The following IMMP2L variants were observed in gnomAD, a reference collection of about 807,000 sequenced individuals.
IMMP2L encodes the protein inner mitochondrial membrane peptidase subunit 2, also known as mitochondrial inner membrane protease subunit 2.
IMMP2L carries 18 observed loss-of-function variants against 19.3 expected under a neutral mutation model. That is an observed-to-expected ratio of 0.93 (90% CI 0.64 to 1.38). The LOEUF (loss-of-function observed/expected upper bound fraction) is 1.38, where lower values mean the gene tolerates loss of function less well. Ranked by LOEUF, IMMP2L falls within the 40% of genes most tolerant of loss-of-function variation. The pLI, the probability that IMMP2L is intolerant of heterozygous loss-of-function variation, is 0.00. For missense variants in IMMP2L, 233 were observed against 218.2 expected, an observed-to-expected ratio of 1.07 and a Z score of -0.43; for synonymous variants, 76 against 73.0, an observed-to-expected ratio of 1.04 and a Z score of -0.21.
At chr7:111,015,305 A>G (rs1386467543) in intron 3 of IMMP2L, among the ~76,000 whole-genome samples, 1 of 152,170 alleles carries the variant, frequency 6.6e-6, no homozygotes, top group Non-Finnish European at 1.5e-5. Context: ...GTCAGTCACA[A>G]GAAGACAAAT....
chr7:111,375,383 G>A (rs1830596607), intron 3 of IMMP2L, among the ~76,000 whole-genome samples: 10 of 152,002 alleles, frequency 6.6e-5, no homozygotes, highest in Admixed American at 6.6e-4. Flanking sequence ...GTACTCAACT[G>A]GCTCGTTCAT....
chr7:111,404,777 G>C (rs778646538), intron 3 of IMMP2L, among the ~76,000 whole-genome samples: 1 of 151,908 alleles, frequency 6.6e-6, no homozygotes, highest in Non-Finnish European at 1.5e-5. Context: ...GATGTCAATT[G>C]GTATTTCTTA....
chr7:110,898,644 C>A (rs1811559734), intron 4 of IMMP2L, among the ~76,000 whole-genome samples: 1 of 152,052 alleles, frequency 6.6e-6, no homozygotes, highest in African/African-American at 2.4e-5. Flanking sequence ...TATCTACTTC[C>A]CTGGAGATTG....
intron 5 of IMMP2L, among the ~76,000 whole-genome samples, chr7:110,690,464 G>C (rs1196860123): frequency 1.3e-5 from 2 of 152,034 alleles, no homozygotes; most frequent in Non-Finnish European, 2.9e-5. Flanking sequence ...AGAGCAATCA[G>C]GCAAGAGAAA....
intron 3 of IMMP2L, among the ~76,000 whole-genome samples, chr7:111,257,188 T>G (rs1471178519): frequency 6.6e-6 from 1 of 152,008 alleles, no homozygotes; most frequent in Non-Finnish European, 1.5e-5. Flanking sequence ...TCATAATAAT[T>G]CCAACTGACA....
At chr7:110,668,648 T>A (rs909182812) in intron 5 of IMMP2L, among the ~76,000 whole-genome samples, 3 of 152,200 alleles carry the variant, frequency 2.0e-5, no homozygotes, top group Non-Finnish European at 4.4e-5. Flanking sequence ...ATTTTAAACA[T>A]TTATTAAGGC....
At chr7:111,319,216 C>T (rs1824422225) in intron 3 of IMMP2L, among the ~76,000 whole-genome samples, 1 of 152,126 alleles carries the variant, frequency 6.6e-6, no homozygotes, top group South Asian at 2.1e-4. Flanking sequence ...TTTTCACCCT[C>T]ACATCATCCA....
At chr7:111,495,149 T>C (rs993444871) in intron 2 of IMMP2L, among the ~76,000 whole-genome samples, 1 of 152,144 alleles carries the variant, frequency 6.6e-6, no homozygotes, top group Non-Finnish European at 1.5e-5. Context: ...TACAGATATA[T>C]ATAAAAACAT....
intron 5 of IMMP2L, among the ~76,000 whole-genome samples, chr7:110,669,710 T>C (rs1458830804): frequency 6.6e-6 from 1 of 152,166 alleles, no homozygotes; most frequent in African/African-American, 2.4e-5. Flanking sequence ...GTAGCCGAGG[T>C]AGTGTAGGTG....
chr7:111,117,226 A>G (rs1799989212), intron 3 of IMMP2L, among the ~76,000 whole-genome samples: 1 of 152,160 alleles, frequency 6.6e-6, no homozygotes, highest in Non-Finnish European at 1.5e-5. Context: ...GTGAGTTTAC[A>G]CACATTCAAT....
intron 3 of IMMP2L, among the ~76,000 whole-genome samples, chr7:111,350,621 T>C (rs2130880775): frequency 6.6e-6 from 1 of 152,210 alleles, no homozygotes; most frequent in African/African-American, 2.4e-5. Flanking sequence ...TCTGAAGTCG[T>C]GTATTGATTC....
intron 2 of IMMP2L, among the ~76,000 whole-genome samples, chr7:111,512,868 A>G (rs1845573978): frequency 6.6e-6 from 1 of 152,196 alleles, no homozygotes; most frequent in African/African-American, 2.4e-5. Context: ...AGGTTCTTCA[A>G]TAAATGGTGC....
At chr7:111,159,040 A>G (rs2129605821) in intron 3 of IMMP2L, among the ~76,000 whole-genome samples, 1 of 152,290 alleles carries the variant, frequency 6.6e-6, no homozygotes, top group East Asian at 1.9e-4. Context: ...TAAAATTATA[A>G]GTGTTTTGAA....
chr7:111,352,060 C>G (rs1001963811), intron 3 of IMMP2L, among the ~76,000 whole-genome samples: 9 of 152,010 alleles, frequency 5.9e-5, no homozygotes, highest in Admixed American at 4.6e-4. Flanking sequence ...AGTATGCTTC[C>G]CATTAACACA....
intron 3 of IMMP2L, among the ~76,000 whole-genome samples, chr7:111,394,370 ACAT>A (rs1832675288): frequency 1.3e-5 from 2 of 152,280 alleles, no homozygotes; most frequent in South Asian, 2.1e-4. Context: ...AACATCATCA[ACAT>A]CATCATCATT....
intron 4 of IMMP2L, among the ~76,000 whole-genome samples, chr7:110,928,380 C>T (rs1407730088): frequency 6.8e-6 from 1 of 146,432 alleles, no homozygotes; most frequent in Admixed American, 6.8e-5. Context: ...CACACACACA[C>T]ACACACACAC....
At chr7:111,380,057 T>C (rs372751816) in intron 3 of IMMP2L, among the ~76,000 whole-genome samples, 1 of 151,964 alleles carries the variant, frequency 6.6e-6, no homozygotes, top group Non-Finnish European at 1.5e-5. Context: ...TTCTGCAACA[T>C]TAATTAACTT....
chr7:111,527,631 T>A (rs1187642070), intron 1 of IMMP2L, among the ~76,000 whole-genome samples: 1 of 152,136 alleles, frequency 6.6e-6, no homozygotes, highest in Admixed American at 6.5e-5. Context: ...TAACTTTTTT[T>A]AAACAACTGG....
chr7:110,919,050 A>G (rs543340316), intron 4 of IMMP2L, among the ~76,000 whole-genome samples: 39 of 152,298 alleles, frequency 2.6e-4, no homozygotes, highest in Middle Eastern at 3.4e-3. Context: ...TTCAAACAGC[A>G]GCAGCCACAG....
Sources: allele counts gnomAD v4.1 joint callset (sites outside exome capture counted in the v4.1 genomes callset), GRCh38; gene constraint gnomAD v4.1.1; transcripts MANE v1.5; gene names NCBI Gene and HGNC (gene_info 2026-07-23, HGNC 2026-07-21).